Variants in DNM3 observed in about 807,000 individuals in gnomAD.
The protein encoded by DNM3 is dynamin-3.
Under a neutral mutation model 101.6 loss-of-function variants are expected in DNM3, and 47 were observed. The observed-to-expected ratio is 0.46, with a 90% CI of 0.37 to 0.59. DNM3 has a LOEUF of 0.59. Among genes scored for constraint, DNM3 ranks in the 20% least tolerant of loss-of-function variants. DNM3 has a pLI of 0.00. For synonymous variants in DNM3, 385 were observed against 387.9 expected, an observed-to-expected ratio of 0.99 and a Z score of 0.09; for missense variants, 849 against 1,085.7, an observed-to-expected ratio of 0.78 and a Z score of 3.06.
chr1:172,409,274 A>C lies in DNM3; in HGVS notation c.*1433A>C. ...GAAGTAAATCAGGTTTCACCAACTG[A>C]AATGTCTCCCTTTGAAAGTAGCAAA... On this transcript the variant is annotated 3_prime_UTR_variant, in exon 21 of 21. Transcript: ENST00000627582. 1 of 985,390 alleles carries C rather than the reference A, an allele frequency of 1.0e-6. No individual in the cohort carries two copies. Among genetic ancestry groups the C allele is most frequent in the Non-Finnish European group, 1.2e-6 (1 of 829,892 alleles). The allele number at this position is 985,390 out of a possible 1,614,324, so 61.0% of individuals were successfully genotyped here.
intron 14 of DNM3, among the ~76,000 whole-genome samples, chr1:172,190,609 TAA>T (rs2059681814): frequency 1.3e-5 from 2 of 152,338 alleles, no homozygotes; most frequent in Non-Finnish European, 2.9e-5. Context: ...CCACAATGGT[TAA>T]ACTAGTGTAC....
chr1:171,931,094 T>TAAGTATACCACTTAGGA (rs2040970736), intron 2 of DNM3, among the ~76,000 whole-genome samples: 1 of 152,154 alleles, frequency 6.6e-6, no homozygotes, highest in Non-Finnish European at 1.5e-5. Context: ...GGAATCAATT[T>TAAGTATACCACTTAGGA]AACAAAAGAA....
chr1:171,977,202 A>C (rs2125573199), intron 2 of DNM3, among the ~76,000 whole-genome samples: 1 of 152,350 alleles, frequency 6.6e-6, no homozygotes, highest in Admixed American at 6.5e-5. Flanking sequence ...GAAGCAAAAA[A>C]GAGCCTTGAG....
intron 2 of DNM3, among the ~76,000 whole-genome samples, chr1:171,951,372 T>C (rs1285369085): frequency 6.6e-6 from 1 of 152,154 alleles, no homozygotes; most frequent in Non-Finnish European, 1.5e-5. Context: ...ATTATTGAAA[T>C]AGGAGCCAAA....
intron 2 of DNM3, among the ~76,000 whole-genome samples, chr1:171,955,878 T>C (rs546912758): frequency 2.6e-4 from 40 of 152,252 alleles, no homozygotes; most frequent in African/African-American, 9.4e-4. Context: ...AGTCATGTCT[T>C]ACGTGGCAGC....
chr1:171,852,995 G>A (rs1319860663), intron 1 of DNM3, among the ~76,000 whole-genome samples: 1 of 152,170 alleles, frequency 6.6e-6, no homozygotes, highest in Non-Finnish European at 1.5e-5. Flanking sequence ...TTATCTGTAG[G>A]TAGATAAGAA....
intron 15 of DNM3, among the ~76,000 whole-genome samples, chr1:172,265,438 A>G (rs1289136967): frequency 1.3e-5 from 2 of 152,200 alleles, no homozygotes; most frequent in Admixed American, 6.5e-5. Flanking sequence ...TTTAGCCTAC[A>G]TAAACTCCCG....
chr1:172,359,149 C>CACACAT (rs1558040614), intron 17 of DNM3, among the ~76,000 whole-genome samples: 1 of 150,884 alleles, frequency 6.6e-6, no homozygotes. Context: ...CACACACACA[C>CACACAT]ACACACACAC....
At chr1:172,080,665 T>A (rs2053066964) in intron 11 of DNM3, among the ~76,000 whole-genome samples, 1 of 152,160 alleles carries the variant, frequency 6.6e-6, no homozygotes, top group East Asian at 1.9e-4. Flanking sequence ...CAGGTGCCAC[T>A]GGGGTATGGA....
chr1:171,946,466 T>G lies in DNM3; in HGVS notation c.235+24645T>G, dbSNP rs1036047319. 2.0e-5 allele frequency among the ~76,000 whole-genome samples: 3 copies of G among 152,006 alleles called. No individual in the cohort carries two copies. In the East Asian group the frequency reaches 5.8e-4, roughly 29 times the overall value. ...ATGATAGCTTTGTGACAATGTCTAT[T>G]TTGGTGTGGTGTGGTATTTGGGGAG... On this transcript the variant is annotated intron_variant, in intron 2 of 20. Transcript: ENST00000627582.
chr1:172,068,543 C>T (rs1368050853), intron 10 of DNM3, among the ~76,000 whole-genome samples: 2 of 152,152 alleles, frequency 1.3e-5, no homozygotes, highest in East Asian at 3.9e-4. Flanking sequence ...TCAGCAGGAG[C>T]ACAGTGCTAG....
chr1:172,283,335 CA>C (rs1217891643), intron 15 of DNM3, among the ~76,000 whole-genome samples: 2 of 152,186 alleles, frequency 1.3e-5, no homozygotes, highest in African/African-American at 4.8e-5. Context: ...GAACTGGACA[CA>C]GTGGTTGGCA....
At chr1:171,850,252 G>A (rs2032768911) in intron 1 of DNM3, among the ~76,000 whole-genome samples, 1 of 152,086 alleles carries the variant, frequency 6.6e-6, no homozygotes, top group Non-Finnish European at 1.5e-5. Flanking sequence ...TTTTCCAGTG[G>A]AAAGATTCAT....
At position 171,938,604 on chromosome 1, in the gene DNM3, T is replaced by G. The variant is rs79086989; in HGVS notation, c.235+16783T>G. Reference sequence around the variant, plus strand: ...CAAAGGCATTTACCTTTTGGGCAGATGCTTTGTAATATTTTTCCTTGAATA... The same window carrying G: ...CAAAGGCATTTACCTTTTGGGCAGAGGCTTTGTAATATTTTTCCTTGAATA... On this transcript the variant is annotated intron_variant, in intron 2 of 20. Transcript: ENST00000627582. Among the ~76,000 whole-genome samples, 507 of 152,364 alleles carry G rather than the reference T, an allele frequency of 3.3e-3. 3 individuals carry two copies. The highest frequency in any genetic ancestry group is 4.8e-3 in the Non-Finnish European group (329 of 68,026).
Position 172,407,974 on chromosome 1 carries a change from T to C in DNM3, c.*133T>C, listed in dbSNP as rs2071013377. On this transcript the variant is annotated 3_prime_UTR_variant, in exon 21 of 21. Transcript: ENST00000627582. ...GCAAGTAACCAGTTTTACTAATGCA[T>C]TCATCGCTCATCTTCATTGCTCATG... 1 of 1,543,714 alleles carries C rather than the reference T, an allele frequency of 6.5e-7. No individual in the cohort carries two copies.
intron 12 of DNM3, among the ~76,000 whole-genome samples, chr1:172,091,343 G>C (rs2053895500): frequency 6.6e-6 from 1 of 152,174 alleles, no homozygotes; most frequent in African/African-American, 2.4e-5. Flanking sequence ...TAGTGTATCG[G>C]AAGGTGAGAA....
intron 4 of DNM3, among the ~76,000 whole-genome samples, chr1:172,009,451 T>G (rs1483969230): frequency 2.8e-4 from 42 of 151,554 alleles, no homozygotes; most frequent in Admixed American, 2.6e-3. Context: ...CTATCCAATA[T>G]TCTAGCCTTT....
chr1:172,003,752 T>C (rs1427704467), intron 4 of DNM3, among the ~76,000 whole-genome samples: 1 of 151,384 alleles, frequency 6.6e-6, no homozygotes, highest in South Asian at 2.1e-4. Flanking sequence ...CATAGATTTT[T>C]TCACTGTAAG....
Position 172,315,773 on chromosome 1 carries a change from G to C in DNM3, c.1881+6934G>C, listed in dbSNP as rs747697844. Among the ~76,000 whole-genome samples the C allele has an allele frequency of 3.9e-5, 6 of 152,228 alleles. No homozygotes were observed. In the East Asian group the frequency reaches 1.2e-3, roughly 29 times the overall value. The stretch of plus-strand genomic sequence containing the variant: ...AAATCTGCGTCTGATTGGTGTACCT[G>C]ACAGTGACGGGGAGAATGGAACCAA... On this transcript the variant is annotated intron_variant, in intron 16 of 20. Transcript: ENST00000627582.
Sources: allele counts gnomAD v4.1 joint callset (sites outside exome capture counted in the v4.1 genomes callset), GRCh38; gene constraint gnomAD v4.1.1; transcripts MANE v1.5; gene names NCBI Gene and HGNC (gene_info 2026-07-23, HGNC 2026-07-21).